RTL10: variants seen among roughly 807,000 people sequenced by gnomAD.
The protein encoded by RTL10 is retrotransposon Gag like 10.
For synonymous variants in RTL10, 199 were observed against 188.4 expected (o/e 1.06, Z -0.46); for missense variants, 477 against 470.7 (o/e 1.01, Z -0.12).
In RTL10 at chr22:19,851,778, G is replaced by A. The variant is rs368961068; in HGVS notation, c.484C>T (p.Leu162=). The A allele has an allele frequency of 6.2e-7, 1 of 1,613,556 alleles. No individual in the cohort carries two copies. Among genetic ancestry groups the A allele is most frequent in the Non-Finnish European group, 8.5e-7 (1 of 1,179,584 alleles). The change falls in exon 3 of 3, where the codon CTG becomes TTG. Residue 162 remains leucine, a synonymous_variant. Transcript: ENST00000328554. The part of the protein sequence containing the change: ...AWAAPYLDGD[L]PLPDDYELFC... Reference sequence around the variant, plus strand: ...AGCTCGTAATCGTCAGGCAGGGGCAGGTCCCCATCAAGGTAGGGGGCTGCC... The same window carrying A: ...AGCTCGTAATCGTCAGGCAGGGGCAAGTCCCCATCAAGGTAGGGGGCTGCC...
chr22:19,848,246 C>G lies in RTL10; in HGVS notation c.*2921G>C. On this transcript the variant is annotated 3_prime_UTR_variant, in exon 3 of 3. Coordinates refer to ENST00000328554, the MANE Select transcript of RTL10 (RefSeq NM_024627.6). ...GGGTATTTCCAAGGGAAGTGAAGGACTGACACCATGATTAGAAAGCAGAGC... is the reference window on the plus strand; with the variant it reads ...GGGTATTTCCAAGGGAAGTGAAGGAGTGACACCATGATTAGAAAGCAGAGC... 1.0e-6 allele frequency: 1 copy of G among 985,430 alleles called. No homozygotes were observed. Among genetic ancestry groups the G allele is most frequent in the Non-Finnish European group, 1.2e-6 (1 of 829,920 alleles). 61.0% of individuals were successfully genotyped at this position (985,430 alleles called of 1,614,324 possible).
chr22:19,852,087 G>C lies in RTL10; in HGVS notation c.175C>G (p.Arg59Gly), dbSNP rs565103120. The C allele has an allele frequency of 1.2e-6, 2 of 1,614,220 alleles. No individual in the cohort carries two copies. The highest frequency in any genetic ancestry group is 2.2e-5 in the South Asian group (2 of 91,088). ...RPCCGDTVCV[R>G]TTMEQKSTAS... is the part of the protein sequence containing the mutation. Reference sequence around the variant, plus strand: ...GTGCTCTTCTGCTCCATGGTCGTTCGCACACACACGGTGTCCCCACAGCAG... The same window carrying C: ...GTGCTCTTCTGCTCCATGGTCGTTCCCACACACACGGTGTCCCCACAGCAG... Residue 59 changes from arginine (R) to glycine (G), a missense_variant, in exon 3 of 3, where the codon CGA becomes GGA. Transcript: ENST00000328554.
Position 19,849,339 on chromosome 22 carries a change from A to G in RTL10, c.*1828T>C, listed in dbSNP as rs949009318. 3.1e-6 allele frequency: 3 copies of G among 963,362 alleles called. No individual in the cohort carries two copies. Among genetic ancestry groups the G allele is most frequent in the African/African-American group, 3.5e-5 (2 of 56,516 alleles). The allele number at this position is 963,362 out of a possible 1,614,324, so 59.7% of individuals were successfully genotyped here. Reference sequence around the variant, plus strand: ...TACCATAAAATAATCCCAACAATTTATATTTTTCTAAATAAGGTTTTTGTT... The same window carrying G: ...TACCATAAAATAATCCCAACAATTTGTATTTTTCTAAATAAGGTTTTTGTT... On this transcript the variant is annotated 3_prime_UTR_variant, in exon 3 of 3. Transcript: ENST00000328554.
rs556857684 is a variant in RTL10, at chr22:19,853,329, G to A, written c.-225-843C>T. 1.7e-4 allele frequency among the ~76,000 whole-genome samples: 26 copies of A among 152,158 alleles called. No homozygotes were observed. The South Asian group carries it at 5.0e-3, about 29-fold the overall frequency. On this transcript the variant is annotated intron_variant, in intron 2 of 2. Transcript: ENST00000328554. ...GAGTCCCAGTCTGATGGCTGGACCC[G>A]CCCCTCCTTCTCCACGCAGCAGTCA...
chr22:19,853,719 G>C (rs897325210), intron 2 of RTL10, among the ~76,000 whole-genome samples: 4 of 133,504 alleles, frequency 3.0e-5, no homozygotes, highest in South Asian at 2.3e-4. Flanking sequence ...ACCCCCCTCT[G>C]GGGGGGGGGT....
chr22:19,852,170 T>C lies in RTL10; in HGVS notation c.92A>G (p.Asp31Gly), dbSNP rs1189640597. The C allele has an allele frequency of 6.2e-7, 1 of 1,614,052 alleles. No homozygotes were observed. Among genetic ancestry groups the C allele is most frequent in the South Asian group, 1.1e-5 (1 of 91,088 alleles). ...GTATGCCACCCCAGGAGACGCCTTG[T>C]CCATCTGCTGCCATGGATGTGCGTT... ...YANAHPWQQM[D>G]KASPGVAYTP... The change falls in exon 3 of 3, where the codon GAC becomes GGC. Residue 31 changes from aspartate (D) to glycine (G), a missense_variant. Coordinates refer to ENST00000328554, the MANE Select transcript of RTL10 (RefSeq NM_024627.6).
chr22:19,850,148 C>A lies in RTL10; in HGVS notation c.*1019G>T. ...CCTGCCAGAAACCACAGCTGCAATG[C>A]TGACCTGGAATGCTCATGGCCAGGC... On this transcript the variant is annotated 3_prime_UTR_variant, in exon 3 of 3. Coordinates refer to ENST00000328554, the MANE Select transcript of RTL10 (RefSeq NM_024627.6). The A allele has an allele frequency of 1.0e-6, 1 of 985,596 alleles. No individual in the cohort carries two copies. Among genetic ancestry groups the A allele is most frequent in the Non-Finnish European group, 1.2e-6 (1 of 830,066 alleles). 61.1% of individuals were successfully genotyped at this position (985,596 alleles called of 1,614,324 possible).
In RTL10 at chr22:19,852,177, G is replaced by C; in HGVS notation, c.85C>G (p.Gln29Glu). 1 of 1,614,018 alleles carries C rather than the reference G, an allele frequency of 6.2e-7. No individual in the cohort carries two copies. The highest frequency in any genetic ancestry group is 8.5e-7 in the Non-Finnish European group (1 of 1,180,038). The change falls in exon 3 of 3, where the codon CAG becomes GAG. Residue 29 changes from glutamine (Q) to glutamate (E), a missense_variant. Transcript: ENST00000328554. The part of the protein sequence containing the change: ...ANYANAHPWQ[Q>E]MDKASPGVAY... ...ACCCCAGGAGACGCCTTGTCCATCT[G>C]CTGCCATGGATGTGCGTTGGCATAA...
intron 2 of RTL10, among the ~76,000 whole-genome samples, chr22:19,853,364 C>T (rs1325926709): frequency 2.6e-5 from 4 of 152,146 alleles, no homozygotes; most frequent in Admixed American, 2.6e-4. Context: ...ACCTAGGAGG[C>T]TCCAGAGCCA....
rs768355288 is a variant in RTL10 at position 19,846,886 on chromosome 22, G to A, written c.*4281C>T. On this transcript the variant is annotated 3_prime_UTR_variant, in exon 3 of 3. Coordinates refer to ENST00000328554, the MANE Select transcript of RTL10 (RefSeq NM_024627.6). ...CTGTTGTTTAAGTCCCCTAGCCTGC[G>A]GTCCTTTGTCAGGCAGCCCCAGCAG... 6 of 968,234 alleles carry A rather than the reference G, an allele frequency of 6.2e-6. No homozygotes were observed. Among genetic ancestry groups the A allele is most frequent in the Middle Eastern group, 5.2e-4 (1 of 1,912 alleles). The allele number at this position is 968,234 out of a possible 1,614,324, so 60.0% of individuals were successfully genotyped here.
At position 19,851,288 on chromosome 22, in the gene RTL10, T is replaced by C. The variant is rs1179946801; in HGVS notation, c.974A>G (p.Gln325Arg). 2.5e-6 allele frequency: 4 copies of C among 1,613,738 alleles called. No individual in the cohort carries two copies. The highest frequency in any genetic ancestry group is 1.3e-5 in the African/African-American group (1 of 75,008). The change falls in exon 3 of 3, where the codon CAG (glutamine) becomes CGG (arginine). Residue 325 changes from glutamine to arginine, a missense_variant. Transcript: ENST00000328554. ...DPAHPGGPKP[Q>R]KTEEEVLETE... ...CTCCAAAACCTCCTCCTCTGTTTTC[T>C]GGGGTTTTGGACCTCCTGGATGAGC...
Position 19,850,813 on chromosome 22 carries a change from G to C in RTL10, c.*354C>G, listed in dbSNP as rs140361322. ...GCCAGTGTGGAAGACACCAAGGGGG[G>C]TGTTTTATGGGGGTGGAGGTGACAA... is the stretch of plus-strand genomic sequence containing the variant. On this transcript the variant is annotated 3_prime_UTR_variant, in exon 3 of 3. Coordinates refer to ENST00000328554, the MANE Select transcript of RTL10 (RefSeq NM_024627.6). The C allele has an allele frequency of 7.0e-4, 905 of 1,294,224 alleles. 5 individuals carry two copies. In the African/African-American group the frequency reaches 0.012, roughly 18 times the overall value. The allele number at this position is 1,294,224 out of a possible 1,614,324, so 80.2% of individuals were successfully genotyped here. A position where few individuals can be genotyped will look rare whatever the true frequency, so the allele number is the denominator to read the frequency against.
At chr22:19,853,511 C>T (rs1311338621) in intron 2 of RTL10, among the ~76,000 whole-genome samples, 3 of 152,162 alleles carry the variant, frequency 2.0e-5, no homozygotes, top group Admixed American at 6.5e-5. Flanking sequence ...CTCTGCTTCA[C>T]CCCACACACA....
Position 19,850,158 on chromosome 22 carries a change from A to G in RTL10, c.*1009T>C, listed in dbSNP as rs1328021771. 8 of 985,490 alleles carry G rather than the reference A, an allele frequency of 8.1e-6. No homozygotes were observed. Among genetic ancestry groups the G allele is most frequent in the Non-Finnish European group, 9.6e-6 (8 of 830,076 alleles). 61.0% of individuals were successfully genotyped at this position (985,490 alleles called of 1,614,324 possible). On this transcript the variant is annotated 3_prime_UTR_variant, in exon 3 of 3. Transcript: ENST00000328554. ...ACCACAGCTGCAATGCTGACCTGGAATGCTCATGGCCAGGCCTCTGCTCCT... is the reference window on the plus strand; with the variant it reads ...ACCACAGCTGCAATGCTGACCTGGAGTGCTCATGGCCAGGCCTCTGCTCCT...
chr22:19,850,749 TC>T lies in RTL10; in HGVS notation c.*417del. 1 of 1,241,200 alleles carries T rather than the reference TC, an allele frequency of 8.1e-7. No individual in the cohort carries two copies. The highest frequency in any genetic ancestry group is 1.0e-6 in the Non-Finnish European group (1 of 994,456). The allele number at this position is 1,241,200 out of a possible 1,614,324, so 76.9% of individuals were successfully genotyped here. Reference sequence around the variant, plus strand: ...ACAGAAACCCCATACAGGAACGAGGTCCCAACAGGGCAGACGTGGCAGACCC... The same window carrying T: ...ACAGAAACCCCATACAGGAACGAGGTCCAACAGGGCAGACGTGGCAGACCC... On this transcript the variant is annotated 3_prime_UTR_variant, in exon 3 of 3. Coordinates refer to ENST00000328554, the MANE Select transcript of RTL10 (RefSeq NM_024627.6).
chr22:19,852,290 AG>A lies in RTL10; in HGVS notation c.-30del. ...GGGAGCACAGGGGAGAAGAGAGGAG[AG>A]CCAGCACTGGTGGGTGGTGGGGGTG... On this transcript the variant is annotated 5_prime_UTR_variant, in exon 3 of 3. Transcript: ENST00000328554. 6 of 1,576,338 alleles carry A rather than the reference AG, an allele frequency of 3.8e-6. No individual in the cohort carries two copies. Among genetic ancestry groups the A allele is most frequent in the Non-Finnish European group, 4.3e-6 (5 of 1,159,574 alleles).
chr22:19,847,187 G>A lies in RTL10; in HGVS notation c.*3980C>T. The stretch of plus-strand genomic sequence containing the variant: ...AGCATGGAGAAATATGTCCAGGTAG[G>A]CTGTCGTCAGCACAGGTCTGACAGG... On this transcript the variant is annotated 3_prime_UTR_variant, in exon 3 of 3. Transcript: ENST00000328554. 1 of 985,430 alleles carries A rather than the reference G, an allele frequency of 1.0e-6. No individual in the cohort carries two copies. The highest frequency in any genetic ancestry group is 1.2e-6 in the Non-Finnish European group (1 of 829,938). 61.0% of individuals were successfully genotyped at this position (985,430 alleles called of 1,614,324 possible).
Position 19,849,491 on chromosome 22 carries a change from C to A in RTL10, c.*1676G>T. 2 of 287,626 alleles carry A rather than the reference C, an allele frequency of 7.0e-6. No individual in the cohort carries two copies. Among genetic ancestry groups the A allele is most frequent in the Non-Finnish European group, 1.0e-5 (2 of 192,648 alleles). The allele number at this position is 287,626 out of a possible 1,614,324, so 17.8% of individuals were successfully genotyped here. ...TCAAGCAATTCTTCTGCCTCAGCCT[C>A]CCAAGTAGCTGAGATTACAGGCATG... On this transcript the variant is annotated 3_prime_UTR_variant, in exon 3 of 3. Coordinates refer to ENST00000328554, the MANE Select transcript of RTL10 (RefSeq NM_024627.6).
Position 19,852,130 on chromosome 22 carries a change from A to T in RTL10, c.132T>A (p.Asp44Glu), listed in dbSNP as rs1938120441. Residue 44 changes from aspartate to glutamate, a missense_variant, in exon 3 of 3, where the codon GAT (aspartate) becomes GAA (glutamate). Transcript: ENST00000328554. ...SPGVAYTPLV[D>E]PWIERPCCGD... ...CACAGCAGGGCCGCTCAATCCAGGGATCCACAAGGGGGGTGTATGCCACCC... is the reference window on the plus strand; with the variant it reads ...CACAGCAGGGCCGCTCAATCCAGGGTTCCACAAGGGGGGTGTATGCCACCC... 2 of 1,614,170 alleles carry T rather than the reference A, an allele frequency of 1.2e-6. No individual in the cohort carries two copies. Among genetic ancestry groups the T allele is most frequent in the East Asian group, 4.5e-5 (2 of 44,882 alleles).
Sources: gnomAD v4.1 joint callset for allele counts (sites outside exome capture counted in the v4.1 genomes callset) on GRCh38, gnomAD v4.1.1 for gene constraint, MANE v1.5 for transcripts, NCBI Gene and HGNC (gene_info 2026-07-23, HGNC 2026-07-21) for gene names.